Variants in SNCAIP observed in about 807,000 individuals in gnomAD.
SNCAIP encodes synphilin-1.
SNCAIP carries 43 observed loss-of-function variants against 86.7 expected under a neutral mutation model. The observed-to-expected ratio is 0.50, with a 90% CI of 0.39 to 0.64. The LOEUF (loss-of-function observed/expected upper bound fraction) is 0.64. Ranked by LOEUF, SNCAIP falls within the 30% of genes least tolerant of loss-of-function variation. The pLI is 0.00. For missense variants in SNCAIP, 981 were observed against 1,103.1 expected (o/e 0.89, Z 1.57); for synonymous variants, 417 against 427.2 (o/e 0.98, Z 0.29).
At chr5:122,368,959 A>G (rs1039535241) in intron 1 of SNCAIP, among the ~76,000 whole-genome samples, 5 of 152,150 alleles carry the variant, frequency 3.3e-5, no homozygotes, top group African/African-American at 9.7e-5. Flanking sequence ...AAAAATGCAC[A>G]TATCAGTTTG....
At chr5:122,400,991 T>C (rs768219810) in intron 2 of SNCAIP, 1 of 1,549,594 alleles carries the variant, frequency 6.5e-7, no homozygotes, top group Non-Finnish European at 8.7e-7. Context: ...CCAAGGACAA[T>C]AGGAGTCAAG....
intron 10 of SNCAIP, among the ~76,000 whole-genome samples, chr5:122,457,248 C>G (rs974756156): frequency 2.0e-5 from 3 of 152,192 alleles, no homozygotes; most frequent in Admixed American, 6.5e-5. Flanking sequence ...GATGATCCAC[C>G]TGCCTCAGCC....
At chr5:122,414,244 T>C (rs940037141) in intron 3 of SNCAIP, among the ~76,000 whole-genome samples, 1 of 151,856 alleles carries the variant, frequency 6.6e-6, no homozygotes, top group Non-Finnish European at 1.5e-5. Flanking sequence ...TCCTTTTTTT[T>C]TTTTTTGAGA....
At chr5:122,319,930 C>T (rs948552531) in intron 1 of SNCAIP, among the ~76,000 whole-genome samples, 1 of 152,202 alleles carries the variant, frequency 6.6e-6, no homozygotes, top group African/African-American at 2.4e-5. Flanking sequence ...AACACAGAAC[C>T]CAGGTTTGTA....
chr5:122,428,487 G>A (rs1777774866), intron 5 of SNCAIP, among the ~76,000 whole-genome samples: 1 of 151,668 alleles, frequency 6.6e-6, no homozygotes, highest in South Asian at 2.1e-4. Flanking sequence ...CCCAACAATA[G>A]CAGAAAACAT....
At chr5:122,448,541 T>G in intron 8 of SNCAIP, among the ~76,000 whole-genome samples, 1 of 146,370 alleles carries the variant, frequency 6.8e-6, no homozygotes. Flanking sequence ...TTTTGAAGTA[T>G]ATCCTTCCAT....
At chr5:122,430,458 A>T (rs1009492225) in intron 5 of SNCAIP, among the ~76,000 whole-genome samples, 3 of 152,228 alleles carry the variant, frequency 2.0e-5, no homozygotes, top group African/African-American at 7.2e-5. Context: ...GGTAGTTACT[A>T]TTATCCCTGC....
intron 1 of SNCAIP, among the ~76,000 whole-genome samples, chr5:122,350,517 TG>T (rs1240139136): frequency 6.6e-6 from 1 of 151,434 alleles, no homozygotes; most frequent in East Asian, 1.9e-4. Context: ...ATTTTTTGTT[TG>T]TTTTTTTTTT....
At chr5:122,368,217 A>G (rs1763563219) in intron 1 of SNCAIP, among the ~76,000 whole-genome samples, 1 of 152,056 alleles carries the variant, frequency 6.6e-6, no homozygotes, top group Non-Finnish European at 1.5e-5. Flanking sequence ...TCCTTTGGAT[A>G]CCCTAGTGTT....
At chr5:122,399,198 C>T (rs1429075924) in intron 2 of SNCAIP, among the ~76,000 whole-genome samples, 1 of 152,132 alleles carries the variant, frequency 6.6e-6, no homozygotes, top group Non-Finnish European at 1.5e-5. Flanking sequence ...AGGAGGGAAG[C>T]TCTGAGGGCA....
chr5:122,369,984 CT>C (rs1763964210), intron 1 of SNCAIP: 1 of 152,172 alleles, frequency 6.6e-6, no homozygotes, highest in Admixed American at 6.5e-5. Flanking sequence ...AGTGGTTTCA[CT>C]TTTCCAAGCT....
At chr5:122,358,203 G>GTGTGTGTA (rs1221236719) in intron 1 of SNCAIP, among the ~76,000 whole-genome samples, 14 of 130,388 alleles carry the variant, frequency 1.1e-4, no homozygotes, top group South Asian at 2.7e-4. Context: ...GTGTGTGTGT[G>GTGTGTGTA]TATATATATA....
chr5:122,327,498 A>T (rs558110636), intron 1 of SNCAIP, among the ~76,000 whole-genome samples: 22 of 152,276 alleles, frequency 1.4e-4, no homozygotes, highest in African/African-American at 5.3e-4. Flanking sequence ...ACTGGATCAC[A>T]GGGGCAGTAT....
chr5:122,453,157 T>C (rs1031803661), intron 10 of SNCAIP, among the ~76,000 whole-genome samples: 42 of 152,108 alleles, frequency 2.8e-4, no homozygotes, highest in African/African-American at 9.7e-4. Context: ...ACTGATGTAA[T>C]GGTAACTAGG....
intron 1 of SNCAIP, among the ~76,000 whole-genome samples, chr5:122,353,827 A>G (rs944318636): frequency 6.6e-6 from 1 of 152,110 alleles, no homozygotes; most frequent in African/African-American, 2.4e-5. Flanking sequence ...CAGCAGCGTG[A>G]AAATGGACTA....
At chr5:122,394,784 C>T (rs1770227806) in intron 2 of SNCAIP, among the ~76,000 whole-genome samples, 1 of 152,222 alleles carries the variant, frequency 6.6e-6, no homozygotes, top group Non-Finnish European at 1.5e-5. Context: ...GAGGAGCTCA[C>T]TCACAGCCAC....
chr5:122,339,242 G>C (rs888742490), intron 1 of SNCAIP, among the ~76,000 whole-genome samples: 8 of 152,150 alleles, frequency 5.3e-5, no homozygotes, highest in Non-Finnish European at 2.9e-5. Flanking sequence ...AATCCCTTAT[G>C]TGGGCTGCAT....
At chr5:122,326,678 AGGTCTTTTGATGTCAGCCCAAAT>A in intron 1 of SNCAIP, among the ~76,000 whole-genome samples, 2 of 125,038 alleles carry the variant, frequency 1.6e-5, no homozygotes, top group East Asian at 4.8e-4. Context: ...GCAATTTGCA[AGGTCTTTTGATGTCAGCCCAAAT>A]AAGGATTTAT....
Position 122,421,632 on chromosome 5 carries a change from A to G in SNCAIP, c.131-1236A>G, listed in dbSNP as rs1228689283. Among the ~76,000 whole-genome samples the G allele has an allele frequency of 2.0e-5, 3 of 152,316 alleles. No homozygotes were observed. The East Asian group carries it at 5.8e-4, about 29-fold the overall frequency. ...CCACTTGTTTCAGAAGAGAAGCGGTAAATGGAAAGTCCCTAGTTGTAGGGC... is the reference window on the plus strand; with the variant it reads ...CCACTTGTTTCAGAAGAGAAGCGGTGAATGGAAAGTCCCTAGTTGTAGGGC... On this transcript the variant is annotated intron_variant, in intron 3 of 10. Coordinates refer to ENST00000261368, the MANE Select transcript of SNCAIP (RefSeq NM_005460.4).
Sources: allele counts gnomAD v4.1 joint callset (sites outside exome capture counted in the v4.1 genomes callset), GRCh38; gene constraint gnomAD v4.1.1; transcripts MANE v1.5; gene names NCBI Gene and HGNC (gene_info 2026-07-23, HGNC 2026-07-21).